The following CIT variants were observed in gnomAD, a reference collection of about 807,000 sequenced individuals.
The protein encoded by CIT is citron rho-interacting serine/threonine kinase.
CIT carries 79 observed loss-of-function variants against 272.7 expected under a neutral mutation model. The observed-to-expected ratio is 0.29, with a 90% confidence interval of 0.24 to 0.35. The LOEUF (loss-of-function observed/expected upper bound fraction) is 0.35. CIT is among the 10% of genes least tolerant of loss of function. The pLI is 1.00. For missense variants in CIT, 1,909 were observed against 2,618.3 expected (o/e 0.73, Z 5.91); for synonymous variants, 948 against 995.6 (o/e 0.95, Z 0.90).
chr12:119,698,165 T>G, intron 44 of CIT, 111 bp from the exon 45 acceptor site: 1 of 906,786 alleles, frequency 1.1e-6, no homozygotes, highest in Non-Finnish European at 1.8e-6. Context: ...GTAAAGCAAC[T>G]CACCCAACAA....
intron 5 of CIT, 43 bp downstream of exon 5, chr12:119,850,131 A>T (rs375188807): frequency 8.3e-7 from 1 of 1,210,450 alleles, no homozygotes; most frequent in Non-Finnish European, 1.2e-6. Flanking sequence ...TCTGAGTGTC[A>T]GAGTGCTAGG....
chr12:119,830,538 C>T (rs574867804), intron 7 of CIT, among the ~76,000 whole-genome samples: 2 of 152,232 alleles, frequency 1.3e-5, no homozygotes, highest in Admixed American at 1.3e-4. Flanking sequence ...ACACATATTC[C>T]TGTCTAATTA....
Position 119,731,644 on chromosome 12 carries a change from TCTC to T in CIT, c.3351-1017_3351-1015del, listed in dbSNP as rs200874314. Among the ~76,000 whole-genome samples, 978 of 151,682 alleles carry T rather than the reference TCTC, an allele frequency of 6.4e-3. 9 individuals carry two copies. Among genetic ancestry groups the T allele is most frequent in the African/African-American group, 0.022 (899 of 41,382 alleles). On this transcript the variant is annotated intron_variant, in intron 26 of 47. Coordinates refer to ENST00000392521, the MANE Select transcript of CIT (RefSeq NM_001206999.2). The stretch of plus-strand genomic sequence containing the variant: ...TACTTCCACACTTTGGCTTATACAA[TCTC>T]CTCCACTGGCCATTCCCTCCTTTGC...
At chr12:119,734,625 G>T (rs1565959967) in intron 25 of CIT, among the ~76,000 whole-genome samples, 1 of 151,820 alleles carries the variant, frequency 6.6e-6, no homozygotes, top group African/African-American at 2.4e-5. Context: ...CAAAGCATTT[G>T]ATTTTGTTTT....
intron 17 of CIT, 103 bp downstream of exon 17, chr12:119,772,667 A>C: frequency 7.8e-7 from 1 of 1,285,454 alleles, no homozygotes; most frequent in Non-Finnish European, 1.0e-6. Flanking sequence ...AAGGGAAAGC[A>C]GCTTTGGTCA....
rs1966501458 is a variant in CIT at position 119,804,853 on chromosome 12, G to A, written c.1112-1464C>T. On this transcript the variant is annotated intron_variant, in intron 9 of 47. Coordinates refer to ENST00000392521, the MANE Select transcript of CIT (RefSeq NM_001206999.2). The surrounding 1 kb of genome is among the most constrained non-coding windows in gnomAD (Gnocchi z 5.3). ...AGGTGGGAGAGTGAGGAAGATTTAA[G>A]ATGTAAAATGTGCACTACCAGAAAA... Among the ~76,000 whole-genome samples the A allele has an allele frequency of 6.6e-6, 1 of 152,202 alleles. No homozygotes were observed. The highest frequency in any genetic ancestry group is 2.4e-5 in the African/African-American group (1 of 41,440).
chr12:119,728,548 T>C lies in CIT; in HGVS notation c.3545A>G (p.Gln1182Arg), dbSNP rs767638721. ...MLEMNARSLQ[Q>R]KLETERELKQ... Reference sequence around the variant, plus strand: ...GAGCTCTCGTTCAGTCTCCAGCTTCTGCTGTAAGCTTCGGGCATTCATTTC... The same window carrying C: ...GAGCTCTCGTTCAGTCTCCAGCTTCCGCTGTAAGCTTCGGGCATTCATTTC... Residue 1182 changes from glutamine to arginine, a missense_variant, in exon 28 of 48, where the codon CAG becomes CGG. This residue lies in a region of CIT where 530 missense variants were observed against 822.4 expected (regional missense o/e 0.64). Coordinates refer to ENST00000392521, the MANE Select transcript of CIT (RefSeq NM_001206999.2). The surrounding 1 kb of genome is among the most constrained non-coding windows in gnomAD (Gnocchi z 4.3). The C allele has an allele frequency of 1.2e-6, 2 of 1,613,992 alleles. No homozygotes were observed. Among genetic ancestry groups the C allele is most frequent in the Non-Finnish European group, 1.7e-6 (2 of 1,179,894 alleles).
chr12:119,726,011 CGTGT>C (rs3999591), intron 28 of CIT, among the ~76,000 whole-genome samples: 71,092 of 149,908 alleles, frequency 0.47, 17,111 homozygotes, highest in Admixed American at 0.57. Context: ...ACCAAATATA[CGTGT>C]GTGTGTGTGT....
At chr12:119,724,039 C>T (rs1484418230) in intron 28 of CIT, among the ~76,000 whole-genome samples, 1 of 152,146 alleles carries the variant, frequency 6.6e-6, no homozygotes, top group Non-Finnish European at 1.5e-5. Context: ...TCTTATAATC[C>T]TAGCACTTTG....
chr12:119,734,505 C>A, intron 25 of CIT, 148 bp from the exon 26 acceptor site: 1 of 828,164 alleles, frequency 1.2e-6, no homozygotes, highest in Non-Finnish European at 1.9e-6. Context: ...CCAAGGGGAC[C>A]AGGCAAGAAT....
intron 5 of CIT, among the ~76,000 whole-genome samples, chr12:119,847,285 G>A (rs1055476163): frequency 4.6e-5 from 7 of 152,090 alleles, no homozygotes; most frequent in African/African-American, 1.7e-4. Context: ...CACCTGGCCC[G>A]AACTTCTTCT....
At chr12:119,824,713 C>T (rs1483547776) in intron 8 of CIT, among the ~76,000 whole-genome samples, 4 of 152,226 alleles carry the variant, frequency 2.6e-5, no homozygotes, top group Non-Finnish European at 4.4e-5. Context: ...TTCATTCACA[C>T]AATACGTATA....
rs1239389016 is a variant in CIT at position 119,803,985 on chromosome 12, C to T, written c.1112-596G>A. The T allele has an allele frequency of 2.0e-5, 4 of 196,378 alleles. No homozygotes were observed. In the South Asian group the frequency reaches 7.1e-4, roughly 35 times the overall value. 12.2% of individuals were successfully genotyped at this position (196,378 alleles called of 1,614,324 possible). A position where few individuals can be genotyped will look rare whatever the true frequency, so the allele number is the denominator to read the frequency against. On this transcript the variant is annotated intron_variant, in intron 9 of 47. Coordinates refer to ENST00000392521, the MANE Select transcript of CIT (RefSeq NM_001206999.2). ...CAAGTCGACTCCGAGATCTTATTAA[C>T]CACTTTTTTTTTTTTTTAGTTCATT...
Position 119,730,504 on chromosome 12 carries a change from G to A in CIT, c.3477C>T (p.Leu1159=), listed in dbSNP as rs754479455. Residue 1159 remains leucine, a synonymous_variant, in exon 27 of 48, where the codon CTC becomes CTT. Transcript: ENST00000392521. ...LKEQKLKAES[L]SDKLNDLEKK... ...AGGGGTGGGCGCTGACCTTGTCAGA[G>A]AGGCTCTCGGCCTTCAGCTTCTGCT... 3.7e-6 allele frequency: 6 copies of A among 1,612,002 alleles called. No individual in the cohort carries two copies. The African/African-American group carries it at 6.7e-5, about 18-fold the overall frequency.
chr12:119,834,114 T>C lies in CIT; in HGVS notation c.631A>G (p.Ser211Gly). 1 of 1,613,988 alleles carries C rather than the reference T, an allele frequency of 6.2e-7. No homozygotes were observed. The highest frequency in any genetic ancestry group is 8.5e-7 in the Non-Finnish European group (1 of 1,179,972). Residue 211 changes from serine to glycine, a missense_variant, in exon 6 of 48, where the codon AGC becomes GGC. By Grantham distance (56) the Ser-to-Gly change is moderately conservative. This residue lies in a region of CIT where 529 missense variants were observed against 549.6 expected (regional missense o/e 0.96). Transcript: ENST00000392521. The stretch of plus-strand genomic sequence containing the variant: ...TGCACGTATCCCATCAGATGAACGC[T>C]GTGAACAGCCAAAATCAGCTCAGCT... ...YLAELILAVH[S>G]VHLMGYVHRD...
intron 24 of CIT, among the ~76,000 whole-genome samples, chr12:119,737,246 G>C (rs1226787232): frequency 1.5e-5 from 2 of 135,582 alleles, no homozygotes; most frequent in African/African-American, 5.5e-5. Context: ...GGCGGAGCTT[G>C]CAGTGAGCCA....
chr12:119,843,807 AAAAT>A (rs1195240876), intron 5 of CIT, among the ~76,000 whole-genome samples: 1 of 152,002 alleles, frequency 6.6e-6, no homozygotes, highest in Admixed American at 6.6e-5. Context: ...ACTCCATCTC[AAAAT>A]AAATAAATAA....
chr12:119,869,135 G>T lies in CIT; in HGVS notation c.163C>A (p.Leu55Ile). 1 of 1,613,342 alleles carries T rather than the reference G, an allele frequency of 6.2e-7. No individual in the cohort carries two copies. The highest frequency in any genetic ancestry group is 1.3e-5 in the African/African-American group (1 of 74,994). The change falls in exon 3 of 48, where the codon CTC (leucine) becomes ATC (isoleucine). Residue 55 changes from leucine (L) to isoleucine (I), a missense_variant. Physicochemically the swap from Leu to Ile is conservative, Grantham distance 5 (BLOSUM62 2). Around this residue, in one of 8 missense-constraint regions of CIT, gnomAD observed 529 missense variants for 549.6 expected, o/e 0.96. Coordinates refer to ENST00000392521, the MANE Select transcript of CIT (RefSeq NM_001206999.2). ...CTGCATTCTTCAAAGAGAACAAAGA[G>T]GGCATCTAATATCCCTTCTCGGGAA... The part of the protein sequence containing the change: ...PLSREGILDA[L>I]FVLFEECSQP...
intron 28 of CIT, among the ~76,000 whole-genome samples, chr12:119,721,823 T>C (rs996842558): frequency 5.9e-5 from 9 of 152,220 alleles, no homozygotes; most frequent in Non-Finnish European, 1.2e-4. Context: ...CCATGACAAC[T>C]AAGTTCCAAT....
Sources: allele counts gnomAD v4.1 joint callset (sites outside exome capture counted in the v4.1 genomes callset), GRCh38; gene constraint gnomAD v4.1.1; regional missense constraint gnomAD v4.1.1; non-coding constraint Gnocchi (gnomAD v3.1); transcripts MANE v1.5; gene names NCBI Gene and HGNC (gene_info 2026-07-23, HGNC 2026-07-21).